WWOX: variants seen among roughly 807,000 people sequenced by gnomAD.
The protein encoded by WWOX is WW domain-containing oxidoreductase.
WWOX carries 69 observed loss-of-function variants against 46.2 expected under a neutral mutation model. That is an observed-to-expected ratio of 1.49 (90% CI 1.23 to 1.82). The LOEUF (loss-of-function observed/expected upper bound fraction) is 1.82, where lower values mean the gene tolerates loss of function less well. Ranked by LOEUF, WWOX falls within the 40% of genes most tolerant of loss-of-function variation. The pLI, the probability that WWOX is intolerant of heterozygous loss-of-function variation, is 0.00. For synonymous variants in WWOX, 359 were observed against 202.6 expected, an observed-to-expected ratio of 1.77 and a Z score of -6.56; for missense variants, 919 against 542.6, an observed-to-expected ratio of 1.69 and a Z score of -6.89.
At chr16:78,506,157 C>T (rs777034694) in intron 8 of WWOX, among the ~76,000 whole-genome samples, 6 of 152,130 alleles carry the variant, frequency 3.9e-5, no homozygotes, top group East Asian at 1.9e-4. Flanking sequence ...CTTCTGTGGA[C>T]GTGAAAAGAC....
intron 8 of WWOX, among the ~76,000 whole-genome samples, chr16:79,062,221 T>C (rs1314190909): frequency 6.6e-6 from 1 of 152,168 alleles, no homozygotes; most frequent in Non-Finnish European, 1.5e-5. Flanking sequence ...CGTAAGTGTA[T>C]CTTACAGTTT....
chr16:78,314,295 A>G lies in WWOX; in HGVS notation c.517-72565A>G, dbSNP rs2080308750. Among the ~76,000 whole-genome samples, 5 of 150,316 alleles carry G rather than the reference A, an allele frequency of 3.3e-5. No individual in the cohort carries two copies. The South Asian group carries it at 1.1e-3, about 32-fold the overall frequency. The stretch of plus-strand genomic sequence containing the variant: ...TGGTGGTGGGCCTGTAGTCTCAGCT[A>G]CTCGGGAGGCTGAGGCAGGAGAATG... On this transcript the variant is annotated intron_variant, in intron 5 of 8. Transcript: ENST00000566780.
At chr16:78,511,417 G>C (rs922458727) in intron 8 of WWOX, among the ~76,000 whole-genome samples, 8 of 152,232 alleles carry the variant, frequency 5.3e-5, no homozygotes, top group Admixed American at 2.0e-4. Flanking sequence ...AAGGGAACAA[G>C]ATGACATTTT....
chr16:78,521,989 G>T (rs2043357979), intron 8 of WWOX, among the ~76,000 whole-genome samples: 1 of 152,048 alleles, frequency 6.6e-6, no homozygotes, highest in South Asian at 2.1e-4. Flanking sequence ...CAAGTTTTCA[G>T]GAAACTGAAA....
chr16:78,426,364 T>G (rs1188489540), intron 7 of WWOX, among the ~76,000 whole-genome samples: 1 of 152,160 alleles, frequency 6.6e-6, no homozygotes, highest in African/African-American at 2.4e-5. Context: ...TGGTATTTAA[T>G]GGGAGATTAT....
chr16:78,669,822 T>C (rs1015563535), intron 8 of WWOX, among the ~76,000 whole-genome samples: 1 of 152,228 alleles, frequency 6.6e-6, no homozygotes, highest in Non-Finnish European at 1.5e-5. Flanking sequence ...GACTTCATTA[T>C]TCAAAATAAT....
At chr16:78,141,213 A>G (rs2033973695) in intron 4 of WWOX, among the ~76,000 whole-genome samples, 1 of 152,186 alleles carries the variant, frequency 6.6e-6, no homozygotes, top group African/African-American at 2.4e-5. Context: ...GAGGCAATTT[A>G]AATGCCGAGC....
At chr16:78,282,481 G>A (rs565363748) in intron 5 of WWOX, among the ~76,000 whole-genome samples, 5 of 152,068 alleles carry the variant, frequency 3.3e-5, no homozygotes, top group Non-Finnish European at 5.9e-5. Context: ...CCTGCCTTGC[G>A]TTCTGTTACC....
At chr16:78,582,237 G>C (rs568860220) in intron 8 of WWOX, among the ~76,000 whole-genome samples, 1 of 152,132 alleles carries the variant, frequency 6.6e-6, no homozygotes, top group East Asian at 1.9e-4. Flanking sequence ...AAGTGTGTCA[G>C]GTGAAGGTAA....
intron 8 of WWOX, among the ~76,000 whole-genome samples, chr16:78,660,944 T>C (rs73565272): frequency 7.9e-5 from 12 of 152,322 alleles, no homozygotes; most frequent in African/African-American, 2.6e-4. Context: ...ACGGATAATA[T>C]GCCATCACAT....
At chr16:78,618,093 T>A (rs2046072981) in intron 8 of WWOX, among the ~76,000 whole-genome samples, 1 of 152,370 alleles carries the variant, frequency 6.6e-6, no homozygotes, top group African/African-American at 2.4e-5. Flanking sequence ...AGGCCATGAC[T>A]GTCCACATTT....
intron 8 of WWOX, among the ~76,000 whole-genome samples, chr16:78,900,681 T>G (rs1193631159): frequency 2.6e-5 from 4 of 152,234 alleles, no homozygotes; most frequent in Non-Finnish European, 5.9e-5. Flanking sequence ...TCAGATCATA[T>G]GTTTGGCAAA....
At chr16:79,170,358 G>A (rs1255928946) in intron 8 of WWOX, among the ~76,000 whole-genome samples, 1 of 152,164 alleles carries the variant, frequency 6.6e-6, no homozygotes, top group East Asian at 1.9e-4. Flanking sequence ...AGCAAAGATG[G>A]AATTTGACCC....
chr16:78,292,934 T>A (rs1305664989), intron 5 of WWOX, among the ~76,000 whole-genome samples: 1 of 152,188 alleles, frequency 6.6e-6, no homozygotes, highest in Non-Finnish European at 1.5e-5. Flanking sequence ...TGAGGAAATT[T>A]CACAGCCTCA....
chr16:78,735,415 A>G (rs929312584), intron 8 of WWOX, among the ~76,000 whole-genome samples: 8 of 151,344 alleles, frequency 5.3e-5, no homozygotes, highest in African/African-American at 2.0e-4. Context: ...ACACACACAC[A>G]CACACACACA....
At chr16:79,042,250 C>G (rs1261992494) in intron 8 of WWOX, among the ~76,000 whole-genome samples, 1 of 152,196 alleles carries the variant, frequency 6.6e-6, no homozygotes, top group East Asian at 1.9e-4. Flanking sequence ...TACACCCTCC[C>G]AAAAGCTGAG....
chr16:79,047,064 C>T (rs899400393), intron 8 of WWOX, among the ~76,000 whole-genome samples: 1 of 152,192 alleles, frequency 6.6e-6, no homozygotes, highest in African/African-American at 2.4e-5. Flanking sequence ...CCTTGGCATC[C>T]ACAAATATTG....
At position 78,099,760 on chromosome 16, in the gene WWOX, G is replaced by C. The variant is rs746757736; in HGVS notation, c.-19G>C. The C allele has an allele frequency of 1.4e-4, 217 of 1,530,768 alleles. No homozygotes were observed. The highest frequency in any genetic ancestry group is 1.8e-4 in the Non-Finnish European group (206 of 1,139,134). 94.8% of individuals were successfully genotyped at this position (1,530,768 alleles called of 1,614,324 possible). A position where few individuals can be genotyped will look rare whatever the true frequency, so the allele number is the denominator to read the frequency against. ...CCGGCAGCGGGCGATAGGGGGGCCAGGTGCCTCCACAGTCAGCCATGGCAG... is the reference window on the plus strand; with the variant it reads ...CCGGCAGCGGGCGATAGGGGGGCCACGTGCCTCCACAGTCAGCCATGGCAG... On this transcript the variant is annotated 5_prime_UTR_variant, in exon 1 of 9. Coordinates refer to ENST00000566780, the MANE Select transcript of WWOX (RefSeq NM_016373.4).
chr16:78,129,355 C>T (rs144091837), intron 4 of WWOX, among the ~76,000 whole-genome samples: 196 of 152,226 alleles, frequency 1.3e-3, no homozygotes, highest in African/African-American at 4.6e-3. Flanking sequence ...TGTCCTGTTG[C>T]TACTATAATG....
Sources: allele counts gnomAD v4.1 joint callset (sites outside exome capture counted in the v4.1 genomes callset), GRCh38; gene constraint gnomAD v4.1.1; transcripts MANE v1.5; gene names NCBI Gene and HGNC (gene_info 2026-07-23, HGNC 2026-07-21).